Variants in C5orf22 observed in about 807,000 individuals in gnomAD.
The protein encoded by C5orf22 is UPF0489 protein C5orf22.
Under a neutral mutation model 48.7 loss-of-function variants are expected in C5orf22, and 36 were observed. The observed-to-expected ratio is 0.74, with a 90% CI of 0.57 to 0.98. The LOEUF (loss-of-function observed/expected upper bound fraction) is 0.98, where lower values mean the gene tolerates loss of function less well. Among genes scored for constraint, C5orf22 ranks in the 50% least tolerant of loss-of-function variants. C5orf22 has a pLI of 0.00. For synonymous variants in C5orf22, 141 were observed against 180.8 expected, an observed-to-expected ratio of 0.78 and a Z score of 1.76; for missense variants, 486 against 521.9, an observed-to-expected ratio of 0.93 and a Z score of 0.67.
At chr5:31,532,635 G>A (rs72753518) in intron 1 of C5orf22, among the ~76,000 whole-genome samples, 162 bp downstream of exon 1, 1,947 of 152,176 alleles carry the variant, frequency 0.013, 12 homozygotes, top group Non-Finnish European at 0.02. Flanking sequence ...CAGCTAACTA[G>A]GAAGAATGAG....
Position 31,553,281 on chromosome 5 carries a change from A to T in C5orf22, c.*379A>T. On this transcript the variant is annotated 3_prime_UTR_variant, in exon 9 of 9. Coordinates refer to ENST00000325366, the MANE Select transcript of C5orf22 (RefSeq NM_018356.3). ...TGTTGAACACTTACATGTACCAGAC[A>T]TTATTAAGTGCTGGGTATATGGTAA... 1 of 193,532 alleles carries T rather than the reference A, an allele frequency of 5.2e-6. No individual in the cohort carries two copies. The highest frequency in any genetic ancestry group is 1.1e-5 in the Non-Finnish European group (1 of 93,432). The allele number at this position is 193,532 out of a possible 1,614,324, so 12.0% of individuals were successfully genotyped here.
chr5:31,538,526 G>C lies in C5orf22; in HGVS notation c.644G>C (p.Cys215Ser). 5 of 1,614,116 alleles carry C rather than the reference G, an allele frequency of 3.1e-6. No homozygotes were observed. Among genetic ancestry groups the C allele is most frequent in the Non-Finnish European group, 4.2e-6 (5 of 1,179,994 alleles). The change falls in exon 4 of 9, where the codon TGC (cysteine) becomes TCC (serine). Residue 215 changes from cysteine (C) to serine (S), a missense_variant. Physicochemically the swap from Cys to Ser is moderately radical, Grantham distance 112. This residue lies in a region of C5orf22 where 408 missense variants were observed against 444.0 expected (regional missense o/e 0.92). Coordinates refer to ENST00000325366, the MANE Select transcript of C5orf22 (RefSeq NM_018356.3). ...GCAACACAGAGAAGTGACCAGACTTGCCTAGAACCATCATGTTCATGTTCT... is the reference window on the plus strand; with the variant it reads ...GCAACACAGAGAAGTGACCAGACTTCCCTAGAACCATCATGTTCATGTTCT... The part of the protein sequence containing the change: ...DTATQRSDQT[C>S]LEPSCSCSSE...
intron 1 of C5orf22, 54 bp downstream of exon 1, chr5:31,532,527 C>CA (rs1554051425): frequency 4.0e-6 from 6 of 1,497,774 alleles, no homozygotes; most frequent in Non-Finnish European, 5.5e-6. Context: ...CCCTGACGCT[C>CA]AGAGGGCCAA....
In C5orf22 at chr5:31,551,364, G is replaced by C. The variant is rs1223209463; in HGVS notation, c.1131G>C (p.Glu377Asp). 6.2e-7 allele frequency: 1 copy of C among 1,613,434 alleles called. No homozygotes were observed. The highest frequency in any genetic ancestry group is 1.3e-5 in the African/African-American group (1 of 74,900). The change falls in exon 8 of 9, where the codon GAG becomes GAC. Residue 377 changes from glutamate (E) to aspartate (D), a missense_variant. Glu to Asp is a conservative substitution (Grantham distance 45). Transcript: ENST00000325366. ...ATATCAGCACAGAACAAGAAATAGA[G>C]TGTCTTATTCAATCTGTGCATTATT... is the stretch of plus-strand genomic sequence containing the variant. ...PHHISTEQEI[E>D]CLIQSVHYLL...
At chr5:31,533,144 G>C (rs80319446) in intron 1 of C5orf22, among the ~76,000 whole-genome samples, 4 of 152,006 alleles carry the variant, frequency 2.6e-5, no homozygotes, top group Non-Finnish European at 4.4e-5. Context: ...TAGTAGAGAC[G>C]GGGCTTCGCC....
At chr5:31,541,171 T>G in intron 5 of C5orf22, 110 bp from the exon 6 acceptor site, 1 of 1,158,754 alleles carries the variant, frequency 8.6e-7, no homozygotes, top group Non-Finnish European at 1.2e-6. Context: ...CCATGGTTAG[T>G]ACTTGAAAAT....
intron 6 of C5orf22, among the ~76,000 whole-genome samples, chr5:31,543,593 A>G (rs913662412): frequency 6.6e-6 from 1 of 152,154 alleles, no homozygotes; most frequent in Admixed American, 6.5e-5. Context: ...AAAAAAAATC[A>G]GTTAATGCTT....
rs1053321788 is a variant in C5orf22 at position 31,554,031 on chromosome 5, C to G, written c.*1129C>G. 1 of 152,122 alleles carries G rather than the reference C, an allele frequency of 6.6e-6. No individual in the cohort carries two copies. The highest frequency in any genetic ancestry group is 1.5e-5 in the Non-Finnish European group (1 of 68,032). The allele number at this position is 152,122 out of a possible 1,614,324, so 9.4% of individuals were successfully genotyped here. A position where few individuals can be genotyped will look rare whatever the true frequency, so the allele number is the denominator to read the frequency against. On this transcript the variant is annotated 3_prime_UTR_variant, in exon 9 of 9. Transcript: ENST00000325366. ...AGATATAAACTGTCTTCCACCACCC[C>G]CCTCATAACTAAGACATCCTTCCTG...
intron 3 of C5orf22, chr5:31,538,059 T>A: frequency 2.0e-6 from 1 of 506,774 alleles, no homozygotes. Context: ...CAGACTGAAA[T>A]GTAGTCTTTA....
intron 7 of C5orf22, among the ~76,000 whole-genome samples, chr5:31,549,797 G>C (rs1486131400): frequency 4.6e-5 from 7 of 152,078 alleles, no homozygotes; most frequent in Non-Finnish European, 1.0e-4. Context: ...GATTGCTTGA[G>C]CCTGGGTGGT....
intron 6 of C5orf22, among the ~76,000 whole-genome samples, chr5:31,543,859 A>T (rs1008859241): frequency 6.6e-6 from 1 of 152,212 alleles, no homozygotes. Flanking sequence ...ATGCCCAGTT[A>T]GCTCCTCATC....
At chr5:31,548,670 T>C (rs1466642149) in intron 7 of C5orf22, 1 of 380,714 alleles carries the variant, frequency 2.6e-6, no homozygotes, top group African/African-American at 2.1e-5. Context: ...AGTTCCAAAG[T>C]TGCTTCCACA....
chr5:31,538,762 C>T (rs1742271205), intron 4 of C5orf22, 73 bp downstream of exon 4: 2 of 1,099,252 alleles, frequency 1.8e-6, no homozygotes, highest in African/African-American at 3.1e-5. Flanking sequence ...AACCAGCAAA[C>T]TCTTTAAACA....
intron 8 of C5orf22, among the ~76,000 whole-genome samples, chr5:31,552,160 G>A (rs1743317396): frequency 6.6e-6 from 1 of 152,152 alleles, no homozygotes; most frequent in East Asian, 1.9e-4. Context: ...GGTTGCAGTT[G>A]GTAAGTTCTG....
rs755005804 is a variant in C5orf22 at position 31,532,484 on chromosome 5, G to C, written c.81+11G>C. ...GAGGATCATCAGGAGGTGAGCGGAC[G>C]GCAACAGGGCTCTGGGGCAGAATCA... On this transcript the variant is annotated intron_variant, in intron 1 of 8. Coordinates refer to ENST00000325366, the MANE Select transcript of C5orf22 (RefSeq NM_018356.3). The C allele has an allele frequency of 1.2e-6, 2 of 1,609,978 alleles. No homozygotes were observed. The highest frequency in any genetic ancestry group is 1.1e-5 in the South Asian group (1 of 90,830).
chr5:31,550,227 A>C (rs1743165730), intron 7 of C5orf22, among the ~76,000 whole-genome samples: 1 of 152,178 alleles, frequency 6.6e-6, no homozygotes, highest in Non-Finnish European at 1.5e-5. Context: ...GCACTTGCGT[A>C]CTCTAGGCAA....
chr5:31,550,762 A>C (rs1166702260), intron 7 of C5orf22, among the ~76,000 whole-genome samples: 1 of 152,084 alleles, frequency 6.6e-6, no homozygotes. Context: ...GGGTTTCTCC[A>C]TGTTGGTCAG....
rs1262356207 is a variant in C5orf22, at chr5:31,545,674, A to G, written c.1021A>G (p.Ser341Gly). 1 of 1,611,584 alleles carries G rather than the reference A, an allele frequency of 6.2e-7. No homozygotes were observed. Among genetic ancestry groups the G allele is most frequent in the Non-Finnish European group, 8.5e-7 (1 of 1,178,570 alleles). The change falls in exon 7 of 9, where the codon AGT (serine) becomes GGT (glycine). Residue 341 changes from serine (S) to glycine (G), a missense_variant. This residue lies in a region of C5orf22 where 408 missense variants were observed against 444.0 expected (regional missense o/e 0.92). Transcript: ENST00000325366. Reference sequence around the variant, plus strand: ...GGAATCACTAGTTCCCCTTGTACAGAGTTTGAAAAAACGGATGGAAGTACC... The same window carrying G: ...GGAATCACTAGTTCCCCTTGTACAGGGTTTGAAAAAACGGATGGAAGTACC... ...GMESLVPLVQ[S>G]LKKRMEVPDY...
intron 6 of C5orf22, among the ~76,000 whole-genome samples, chr5:31,542,846 A>G (rs979145422): frequency 3.9e-5 from 6 of 152,382 alleles, no homozygotes; most frequent in South Asian, 2.1e-4. Context: ...ACGAACTGTC[A>G]TATTATTCTC....
Sources: allele counts gnomAD v4.1 joint callset (sites outside exome capture counted in the v4.1 genomes callset), GRCh38; gene constraint gnomAD v4.1.1; regional missense constraint gnomAD v4.1.1; transcripts MANE v1.5; gene names NCBI Gene and HGNC (gene_info 2026-07-23, HGNC 2026-07-21).